OR2C1: variants seen among roughly 807,000 people sequenced by gnomAD.
OR2C1 encodes olfactory receptor family 2 subfamily C member 1.
For synonymous variants in OR2C1, 209 were observed against 167.3 expected (o/e 1.25, Z -1.92); for missense variants, 468 against 388.3 (o/e 1.21, Z -1.73).
the OR2C1 span, among the ~76,000 whole-genome samples, chr16:3,330,271 T>TA: frequency 6.6e-6 from 1 of 151,894 alleles, no homozygotes; most frequent in East Asian, 1.9e-4. Context: ...CACACCCAGC[T>TA]AATTTTTTGT....
the OR2C1 span, among the ~76,000 whole-genome samples, chr16:3,347,619 T>C: frequency 1.2e-4 from 18 of 152,180 alleles, no homozygotes; most frequent in African/African-American, 4.1e-4. Flanking sequence ...TATGTACATA[T>C]ATGTTGTTTT....
the OR2C1 span, among the ~76,000 whole-genome samples, chr16:3,334,578 G>T: frequency 6.7e-6 from 1 of 148,904 alleles, no homozygotes; most frequent in South Asian, 2.2e-4. Flanking sequence ...CAGATTGCTT[G>T]AGTCTAAACT....
At chr16:3,344,341 A>G in the OR2C1 span, among the ~76,000 whole-genome samples, 1 of 152,182 alleles carries the variant, frequency 6.6e-6, no homozygotes, top group Non-Finnish European at 1.5e-5. Flanking sequence ...AATAGCTAAC[A>G]TATTTATTTT....
the OR2C1 span, among the ~76,000 whole-genome samples, chr16:3,324,611 G>A: frequency 3.3e-5 from 5 of 152,002 alleles, no homozygotes; most frequent in Admixed American, 6.5e-5. Flanking sequence ...TTCTCTCTAC[G>A]TATGTTTGTT....
the OR2C1 span, among the ~76,000 whole-genome samples, chr16:3,347,366 G>C: frequency 6.6e-6 from 1 of 151,482 alleles, no homozygotes; most frequent in African/African-American, 2.4e-5. Context: ...CTGCACTCCA[G>C]CCTAGGTGAT....
chr16:3,349,883 C>G, the OR2C1 span, among the ~76,000 whole-genome samples: 1 of 151,392 alleles, frequency 6.6e-6, no homozygotes, highest in South Asian at 2.1e-4. Context: ...GCCTGGGCAA[C>G]AAAGCGAGAT....
the OR2C1 span, among the ~76,000 whole-genome samples, chr16:3,328,434 T>C: frequency 9.8e-5 from 15 of 152,342 alleles, no homozygotes; most frequent in South Asian, 1.2e-3. Context: ...CCTAAAACTT[T>C]TTGAGAATTA....
chr16:3,333,211 ATTTTTTTTTTTTTTTT>A, the OR2C1 span, among the ~76,000 whole-genome samples: 10 of 65,856 alleles, frequency 1.5e-4, no homozygotes, highest in African/African-American at 3.7e-4. Context: ...TCTTTTGCCC[ATTTTTTTTTTTTTTTT>A]TTTTTTTTTT....
chr16:3,344,454 A>G, the OR2C1 span, among the ~76,000 whole-genome samples: 1 of 152,056 alleles, frequency 6.6e-6, no homozygotes, highest in Non-Finnish European at 1.5e-5. Context: ...ATGGCCGGGC[A>G]CGGTGGCTCA....
chr16:3,341,011 T>C, the OR2C1 span, among the ~76,000 whole-genome samples: 42 of 152,240 alleles, frequency 2.8e-4, no homozygotes, highest in African/African-American at 9.6e-4. Flanking sequence ...AAAATTTTTT[T>C]AGGGATGCAT....
the OR2C1 span, among the ~76,000 whole-genome samples, chr16:3,342,376 A>G: frequency 1.3e-5 from 2 of 152,220 alleles, no homozygotes; most frequent in African/African-American, 4.8e-5. Flanking sequence ...AGGGGGAAAT[A>G]TTTGTGATGT....
At position 3,356,218 on chromosome 16, in the gene OR2C1, G is replaced by A. The variant is rs141048124; in HGVS notation, c.278G>A (p.Ser93Asn). Residue 93 changes from serine (S) to asparagine (N), a missense_variant, in exon 1 of 1, where the codon AGC becomes AAC. Transcript: ENST00000304936. ...TTATGGGGACCAGGCAAGACCATCAGCTATGGTGGCTGCATAACCCAGCTC... is the reference window on the plus strand; with the variant it reads ...TTATGGGGACCAGGCAAGACCATCAACTATGGTGGCTGCATAACCCAGCTC... ...INLWGPGKTI[S>N]YGGCITQLYV... The A allele has an allele frequency of 1.2e-6, 2 of 1,614,180 alleles. No homozygotes were observed. The highest frequency in any genetic ancestry group is 8.5e-7 in the Non-Finnish European group (1 of 1,180,044).
the OR2C1 span, chr16:3,323,310 A>G: frequency 9.6e-7 from 1 of 1,039,168 alleles, no homozygotes; most frequent in Non-Finnish European, 1.5e-6. Flanking sequence ...GAAAGGGCAA[A>G]AGAACCATGA....
At chr16:3,323,713 T>C in the OR2C1 span, 3 of 687,766 alleles carry the variant, frequency 4.4e-6, no homozygotes, top group Non-Finnish European at 7.8e-6. Context: ...TCATTTCTAG[T>C]CATCTGAGAC....
chr16:3,337,671 A>G, the OR2C1 span, among the ~76,000 whole-genome samples: 2 of 152,004 alleles, frequency 1.3e-5, no homozygotes, highest in East Asian at 3.9e-4. Context: ...CTTGATGACC[A>G]TTGAGTTTCC....
At chr16:3,344,266 A>G in the OR2C1 span, among the ~76,000 whole-genome samples, 1 of 152,068 alleles carries the variant, frequency 6.6e-6, no homozygotes, top group Non-Finnish European at 1.5e-5. Flanking sequence ...AACAAGAAAA[A>G]CAGAAAAATG....
At chr16:3,323,698 AG>A in the OR2C1 span, 4 of 685,130 alleles carry the variant, frequency 5.8e-6, no homozygotes, top group African/African-American at 1.8e-5. Context: ...CCAAGGCACG[AG>A]GTTTCATTTC....
chr16:3,348,174 T>A, the OR2C1 span, among the ~76,000 whole-genome samples: 1 of 152,068 alleles, frequency 6.6e-6, no homozygotes, highest in African/African-American at 2.4e-5. Flanking sequence ...ATAGACCAAA[T>A]GCGTTAGATG....
chr16:3,348,433 T>C, the OR2C1 span, among the ~76,000 whole-genome samples: 1 of 152,200 alleles, frequency 6.6e-6, no homozygotes, highest in Admixed American at 6.5e-5. Context: ...CATTTGCCCT[T>C]GGAGAAATTA....
Sources: allele counts gnomAD v4.1 joint callset (sites outside exome capture counted in the v4.1 genomes callset), GRCh38; gene constraint gnomAD v4.1.1; transcripts MANE v1.5; gene names NCBI Gene and HGNC (gene_info 2026-07-23, HGNC 2026-07-21).